Variants in SLC17A1 observed in about 807,000 individuals in gnomAD.
SLC17A1 encodes the protein solute carrier family 17 member 1, also known as sodium-dependent phosphate transport protein 1.
In SLC17A1, 51 loss-of-function variants were observed where a neutral mutation model predicts 53.5. The ratio of observed to expected loss-of-function variants is 0.95; its 90% CI spans 0.76 to 1.20. The LOEUF (loss-of-function observed/expected upper bound fraction) is 1.20, where lower values mean the gene tolerates loss of function less well. SLC17A1 is among the 50% of genes most tolerant of loss of function. SLC17A1 has a pLI of 0.00. For synonymous variants in SLC17A1, 179 were observed against 198.8 expected (o/e 0.90, Z 0.84); for missense variants, 538 against 568.2 (o/e 0.95, Z 0.54).
chr6:25,729,063 G>A, the SLC17A1 span, among the ~76,000 whole-genome samples: 1 of 152,160 alleles, frequency 6.6e-6, no homozygotes, highest in Admixed American at 6.5e-5. Flanking sequence ...GTATCACATA[G>A]CTGCCAAATA....
At chr6:25,729,148 A>G in the SLC17A1 span, among the ~76,000 whole-genome samples, 1 of 152,238 alleles carries the variant, frequency 6.6e-6, no homozygotes, top group South Asian at 2.1e-4. Flanking sequence ...GGCAATAGAT[A>G]AGTAGGAATA....
chr6:25,725,292 T>G, the SLC17A1 span, among the ~76,000 whole-genome samples: 3 of 152,194 alleles, frequency 2.0e-5, no homozygotes, highest in Non-Finnish European at 4.4e-5. Context: ...CACCATCACA[T>G]ATGGCGTAAG....
Position 25,791,515 on chromosome 6 carries a change from G to A in SLC17A1, c.*2+7268C>T, listed in dbSNP as rs12111561. The stretch of plus-strand genomic sequence containing the variant: ...GGTATTTTAAGTCAGAGAGGAAAAC[G>A]CAAATTATTTTTTAAAAAACAATGG... On this transcript the variant is annotated intron_variant, in intron 12 of 12. Transcript: ENST00000244527. Among the ~76,000 whole-genome samples, 868 of 152,190 alleles carry A rather than the reference G, an allele frequency of 5.7e-3. 7 individuals carry two copies. Among genetic ancestry groups the A allele is most frequent in the African/African-American group, 0.02 (839 of 41,526 alleles).
At chr6:25,785,423 T>C (rs1481640784) in intron 12 of SLC17A1, among the ~76,000 whole-genome samples, 1 of 152,134 alleles carries the variant, frequency 6.6e-6, no homozygotes, top group Non-Finnish European at 1.5e-5. Flanking sequence ...ATTACTTCTA[T>C]ATGACAACAA....
rs34669145 is a variant in SLC17A1, at chr6:25,802,935, C to CTTTTTTTTTTTTTTT, written c.1179-1970_1179-1956dup. 5.0e-4 allele frequency among the ~76,000 whole-genome samples: 23 copies of CTTTTTTTTTTTTTTT among 46,098 alleles called. 3 individuals carry two copies. Among genetic ancestry groups the CTTTTTTTTTTTTTTT allele is most frequent in the African/African-American group, 1.9e-3 (21 of 11,110 alleles). 30.2% of individuals were successfully genotyped at this position (46,098 alleles called of 152,430 possible). ...ATGACGTTTTAACGACTATCTTCTT[C>CTTTTTTTTTTTTTTT]TTTTTTTTTTTTTTTTTTTTTTTTT... On this transcript the variant is annotated intron_variant, in intron 10 of 12. Coordinates refer to ENST00000244527, the MANE Select transcript of SLC17A1 (RefSeq NM_005074.5).
At chr6:25,727,886 C>T in the SLC17A1 span, among the ~76,000 whole-genome samples, 2 of 151,758 alleles carry the variant, frequency 1.3e-5, no homozygotes, top group African/African-American at 4.8e-5. Flanking sequence ...GGCGTGGTGG[C>T]GTGCACTGTA....
chr6:25,817,305 A>G (rs956870174), intron 6 of SLC17A1, among the ~76,000 whole-genome samples: 5 of 152,258 alleles, frequency 3.3e-5, no homozygotes, highest in South Asian at 2.1e-4. Flanking sequence ...GAATATTCCA[A>G]TGGAATTTTA....
At chr6:25,732,135 T>G in the SLC17A1 span, 1 of 556,198 alleles carries the variant, frequency 1.8e-6, no homozygotes. Flanking sequence ...TCGGAAATGG[T>G]AGTGCCCTTT....
downstream of SLC17A1, among the ~76,000 whole-genome samples, chr6:25,781,385 C>T (rs370800502): frequency 3.3e-5 from 5 of 152,010 alleles, no homozygotes; most frequent in African/African-American, 1.2e-4. Context: ...GAGTAGTTAC[C>T]AATGCCAAAT....
chr6:25,781,399 C>T (rs2151470079), downstream of SLC17A1, among the ~76,000 whole-genome samples: 1 of 152,196 alleles, frequency 6.6e-6, no homozygotes, highest in Admixed American at 6.5e-5. Context: ...GCCAAATTTG[C>T]AGTGATCTGT....
chr6:25,737,242 T>C, the SLC17A1 span, among the ~76,000 whole-genome samples: 1 of 152,042 alleles, frequency 6.6e-6, no homozygotes, highest in Non-Finnish European at 1.5e-5. Context: ...AAGATTGGAT[T>C]TTTGGATGTC....
At chr6:25,830,074 A>G (rs1764893336) in intron 2 of SLC17A1, among the ~76,000 whole-genome samples, 1 of 152,166 alleles carries the variant, frequency 6.6e-6, no homozygotes, top group African/African-American at 2.4e-5. Context: ...CGCTAAACCA[A>G]TAGCAGTAAT....
chr6:25,800,617 C>G (rs1196302662), intron 11 of SLC17A1, among the ~76,000 whole-genome samples: 1 of 152,088 alleles, frequency 6.6e-6, no homozygotes, highest in African/African-American at 2.4e-5. Flanking sequence ...GATCAATCCA[C>G]ATATTCATTA....
chr6:25,811,248 G>T, intron 10 of SLC17A1, 150 bp downstream of exon 10: 2 of 761,892 alleles, frequency 2.6e-6, no homozygotes, highest in Non-Finnish European at 4.2e-6. Flanking sequence ...ACACAAAAAT[G>T]CTAAGTGTGT....
chr6:25,726,786 C>T, the SLC17A1 span: 117 of 1,276,170 alleles, frequency 9.2e-5, no homozygotes, highest in Non-Finnish European at 1.2e-4. Context: ...TGTTTGTTTA[C>T]TTGGCGAGAC....
At chr6:25,775,945 T>G in the SLC17A1 span, among the ~76,000 whole-genome samples, 1 of 152,238 alleles carries the variant, frequency 6.6e-6, no homozygotes, top group South Asian at 2.1e-4. Context: ...GTTTCCCATC[T>G]TTGAGCAATG....
chr6:25,777,719 T>C, the SLC17A1 span: 1 of 530,040 alleles, frequency 1.9e-6, no homozygotes, highest in Non-Finnish European at 3.4e-6. Flanking sequence ...CACAGGATTA[T>C]ACTAATCATT....
chr6:25,761,496 G>A, the SLC17A1 span, among the ~76,000 whole-genome samples: 11 of 152,148 alleles, frequency 7.2e-5, no homozygotes, highest in Admixed American at 6.5e-4. Flanking sequence ...TTGCAGCTAC[G>A]TAAAAGGGTG....
At chr6:25,733,848 A>G in the SLC17A1 span, among the ~76,000 whole-genome samples, 2 of 146,432 alleles carry the variant, frequency 1.4e-5, no homozygotes, top group Admixed American at 1.4e-4. Flanking sequence ...ATGACAGAGT[A>G]TTGCTCTGTC....
Sources: gnomAD v4.1 joint callset for allele counts (sites outside exome capture counted in the v4.1 genomes callset) on GRCh38, gnomAD v4.1.1 for gene constraint, MANE v1.5 for transcripts, NCBI Gene and HGNC (gene_info 2026-07-23, HGNC 2026-07-21) for gene names.